The following CACNA1D variants were observed in gnomAD, a reference collection of about 807,000 sequenced individuals.
The protein encoded by CACNA1D is voltage-dependent L-type calcium channel subunit alpha-1D.
In CACNA1D, 55 loss-of-function variants were observed where a neutral mutation model predicts 257.1. The observed-to-expected ratio is 0.21, with a 90% CI of 0.17 to 0.27. CACNA1D has a LOEUF of 0.27. Ranked by LOEUF, CACNA1D falls within the 10% of genes least tolerant of loss-of-function variation. The pLI is 1.00. For missense variants in CACNA1D, 1,876 were observed against 2,784.0 expected (o/e 0.67, Z 7.34); for synonymous variants, 980 against 1,014.9 (o/e 0.97, Z 0.65).
intron 9 of CACNA1D, among the ~76,000 whole-genome samples, chr3:53,711,720 A>G (rs1205755037): frequency 2.0e-5 from 3 of 152,198 alleles, no homozygotes; most frequent in Non-Finnish European, 4.4e-5. Context: ...GATGGGAACA[A>G]CCCGTGGATA....
intron 3 of CACNA1D, among the ~76,000 whole-genome samples, chr3:53,625,894 C>A (rs1224415619): frequency 1.3e-5 from 2 of 152,108 alleles, no homozygotes; most frequent in Non-Finnish European, 2.9e-5. Flanking sequence ...ACCTGAAGAT[C>A]CATGGAGGTC....
chr3:53,538,016 G>A (rs2092164143), intron 3 of CACNA1D, among the ~76,000 whole-genome samples: 1 of 151,602 alleles, frequency 6.6e-6, no homozygotes, highest in South Asian at 2.1e-4. Flanking sequence ...ACTCATTGAT[G>A]TTTAATGTGT....
chr3:53,756,574 G>C (rs998346816), intron 29 of CACNA1D, among the ~76,000 whole-genome samples: 2 of 152,214 alleles, frequency 1.3e-5, no homozygotes, highest in African/African-American at 4.8e-5. Flanking sequence ...GTGTTGACCT[G>C]GTGCAGCCTA....
intron 3 of CACNA1D, among the ~76,000 whole-genome samples, chr3:53,523,699 C>CT (rs2091661625): frequency 6.6e-6 from 1 of 152,308 alleles, no homozygotes; most frequent in South Asian, 2.1e-4. Flanking sequence ...GCCTTCAGGC[C>CT]CCCCTTTGCC....
chr3:53,495,291 G>A lies in CACNA1D; in HGVS notation c.67+58G>A. 1 of 1,604,524 alleles carries A rather than the reference G, an allele frequency of 6.2e-7. No homozygotes were observed. The highest frequency in any genetic ancestry group is 1.3e-5 in the African/African-American group (1 of 74,872). ...AATCCGATCCTGTCATGGTCCTCCA[G>A]CCCCCTCCCCCTTCCCCGCGGCGCT... On this transcript the variant is annotated intron_variant, in intron 1 of 47. Coordinates refer to ENST00000350061, the MANE Select transcript of CACNA1D (RefSeq NM_001128840.3). This position sits in a 1 kb window ranked among gnomAD's most constrained non-coding sequence, Gnocchi z 5.1.
chr3:53,627,389 C>T (rs976994074), intron 3 of CACNA1D, among the ~76,000 whole-genome samples: 5 of 152,208 alleles, frequency 3.3e-5, no homozygotes, highest in African/African-American at 7.2e-5. Flanking sequence ...CACAGGCGAG[C>T]GGAGCAGCGG....
chr3:53,649,114 C>T (rs945739315), intron 3 of CACNA1D, among the ~76,000 whole-genome samples: 3 of 152,232 alleles, frequency 2.0e-5, no homozygotes, highest in East Asian at 1.9e-4. Context: ...AGAGGGGAAG[C>T]GATTCTGGCA....
intron 29 of CACNA1D, among the ~76,000 whole-genome samples, chr3:53,760,596 C>T (rs975213071): frequency 1.3e-5 from 2 of 152,212 alleles, no homozygotes; most frequent in African/African-American, 4.8e-5. Context: ...ATCTCCCCAC[C>T]ACCCTCTCCA....
chr3:53,575,781 A>G (rs2093027447), intron 3 of CACNA1D, among the ~76,000 whole-genome samples: 1 of 152,164 alleles, frequency 6.6e-6, no homozygotes. Flanking sequence ...AGTTCTCTTT[A>G]TCGGAAAAGG....
chr3:53,797,213 G>A (rs74647539), intron 40 of CACNA1D, among the ~76,000 whole-genome samples: 2,587 of 152,246 alleles, frequency 0.017, 43 homozygotes, highest in Middle Eastern at 0.068. Flanking sequence ...TGATATGTGT[G>A]CTAGAAAAAC....
In CACNA1D at chr3:53,775,928, T is replaced by C; in HGVS notation, c.4245T>C (p.Cys1415=). 6.2e-7 allele frequency: 1 copy of C among 1,614,198 alleles called. No individual in the cohort carries two copies. The highest frequency in any genetic ancestry group is 8.5e-7 in the Non-Finnish European group (1 of 1,180,008). ...GEAWQEIMLA[C]LPGKLCDPES... ...CCTGGCAGGAGATCATGCTGGCCTG[T>C]CTCCCAGGGAAGCTCTGTGACCCTG... Residue 1415 remains cysteine (C), a synonymous_variant, in exon 35 of 48, where the codon TGT becomes TGC. Transcript: ENST00000350061.
chr3:53,667,294 G>A (rs900601611), intron 7 of CACNA1D, among the ~76,000 whole-genome samples: 7 of 152,018 alleles, frequency 4.6e-5, no homozygotes, highest in Non-Finnish European at 8.8e-5. Flanking sequence ...AAGTGCTATA[G>A]CATTTTAACA....
At position 53,751,980 on chromosome 3, in the gene CACNA1D, G is replaced by T. The variant is rs1468907569; in HGVS notation, c.3675+73G>T. The T allele has an allele frequency of 1.4e-6, 2 of 1,442,870 alleles. No homozygotes were observed. Among genetic ancestry groups the T allele is most frequent in the African/African-American group, 2.8e-5 (2 of 71,632 alleles). 89.4% of individuals were successfully genotyped at this position (1,442,870 alleles called of 1,614,324 possible). On this transcript the variant is annotated intron_variant, in intron 28 of 47. Transcript: ENST00000350061. The surrounding 1 kb of genome is among the most constrained non-coding windows in gnomAD (Gnocchi z 4.3). The stretch of plus-strand genomic sequence containing the variant: ...GCCCCGTGCCCCAAATGCTGAGGGT[G>T]GAATGCTGCCCCTCACAGGAGGGGT...
intron 9 of CACNA1D, among the ~76,000 whole-genome samples, chr3:53,713,756 C>A (rs970187744): frequency 4.6e-5 from 7 of 152,168 alleles, no homozygotes; most frequent in Non-Finnish European, 8.8e-5. Context: ...AGCACCATGA[C>A]CCACATCCAC....
chr3:53,506,378 A>G (rs2090847483), intron 3 of CACNA1D, among the ~76,000 whole-genome samples: 1 of 152,052 alleles, frequency 6.6e-6, no homozygotes, highest in African/African-American at 2.4e-5. Flanking sequence ...AGTGGCGTGG[A>G]GTGTGATGGT....
chr3:53,653,067 A>C (rs1036233865), intron 4 of CACNA1D, among the ~76,000 whole-genome samples: 3 of 152,204 alleles, frequency 2.0e-5, no homozygotes, highest in Non-Finnish European at 4.4e-5. Flanking sequence ...CATGGCCAAC[A>C]TGGTGAAACC....
chr3:53,783,876 C>T (rs2095439028), intron 39 of CACNA1D, among the ~76,000 whole-genome samples: 1 of 152,208 alleles, frequency 6.6e-6, no homozygotes, highest in Non-Finnish European at 1.5e-5. Flanking sequence ...GCCTCAGCAT[C>T]CCCTACACCA....
At chr3:53,693,884 T>C (rs2094550514) in intron 8 of CACNA1D, among the ~76,000 whole-genome samples, 1 of 152,238 alleles carries the variant, frequency 6.6e-6, no homozygotes, top group African/African-American at 2.4e-5. Context: ...TTTGTTTAAA[T>C]TTTATGTGGG....
intron 3 of CACNA1D, among the ~76,000 whole-genome samples, chr3:53,536,002 G>T (rs1575787029): frequency 1.3e-5 from 2 of 152,210 alleles, no homozygotes; most frequent in East Asian, 3.8e-4. Flanking sequence ...GACAGATTCA[G>T]TGGATATGAC....
Sources: gnomAD v4.1 joint callset for allele counts (sites outside exome capture counted in the v4.1 genomes callset) on GRCh38, gnomAD v4.1.1 for gene constraint, Gnocchi (gnomAD v3.1) non-coding constraint, MANE v1.5 for transcripts, NCBI Gene and HGNC (gene_info 2026-07-23, HGNC 2026-07-21) for gene names.